Variants in C1orf159 observed in about 807,000 individuals in gnomAD.
C1orf159 encodes the protein chromosome 1 open reading frame 159.
C1orf159 carries 19 observed loss-of-function variants against 25.6 expected under a neutral mutation model. The observed-to-expected ratio is 0.74, with a 90% confidence interval of 0.52 to 1.09. The LOEUF is 1.09. C1orf159 is among the 50% of genes least tolerant of loss of function. The pLI is 0.00. For synonymous variants in C1orf159, 139 were observed against 124.7 expected (o/e 1.12, Z -0.77); for missense variants, 274 against 290.6 (o/e 0.94, Z 0.42).
At chr1:1,114,547 G>C (rs1299081725) in intron 1 of C1orf159, among the ~76,000 whole-genome samples, 2 of 152,194 alleles carry the variant, frequency 1.3e-5, no homozygotes, top group Non-Finnish European at 2.9e-5. Flanking sequence ...GTGCACCCCA[G>C]GGCTGAGGTG....
intron 1 of C1orf159, among the ~76,000 whole-genome samples, chr1:1,103,189 A>G (rs1646126693): frequency 6.6e-6 from 1 of 152,184 alleles, no homozygotes; most frequent in Non-Finnish European, 1.5e-5. Flanking sequence ...GCTCATTTAA[A>G]CATGTTTCCT....
intron 1 of C1orf159, among the ~76,000 whole-genome samples, chr1:1,108,845 TCG>T (rs1646216998): frequency 1.1e-5 from 1 of 94,322 alleles, no homozygotes; most frequent in African/African-American, 6.5e-5. Context: ...CCACCATGTC[TCG>T]GCACCATCCA....
At chr1:1,113,088 C>CGGGA (rs1646284140) in intron 1 of C1orf159, among the ~76,000 whole-genome samples, 1 of 151,230 alleles carries the variant, frequency 6.6e-6, no homozygotes, top group Non-Finnish European at 1.5e-5. Context: ...CCCAGCTACT[C>CGGGA]GGGAGGCTGA....
rs919946102 is a variant in C1orf159 at position 1,089,098 on chromosome 1, A to G, written c.148+1255T>C. On this transcript the variant is annotated intron_variant, in intron 4 of 9. Coordinates refer to ENST00000421241, the MANE Select transcript of C1orf159 (RefSeq NM_017891.5). This position sits in a 1 kb window ranked among gnomAD's most constrained non-coding sequence, Gnocchi z 7.5. ...GTGCCCGCTGCCTCCCCGAGCGGAG[A>G]CGTGACCTGGCTTGGGGCCGCACGC... 2.0e-5 allele frequency among the ~76,000 whole-genome samples: 3 copies of G among 152,168 alleles called. No homozygotes were observed. Among genetic ancestry groups the G allele is most frequent in the African/African-American group, 7.2e-5 (3 of 41,440 alleles).
chr1:1,101,289 C>A (rs1331653325), intron 1 of C1orf159, among the ~76,000 whole-genome samples: 1 of 152,044 alleles, frequency 6.6e-6, no homozygotes, highest in African/African-American at 2.4e-5. Flanking sequence ...TTGATGCCAC[C>A]CTGGCCAACA....
At chr1:1,083,866 C>T (rs374658585) in intron 9 of C1orf159, 39 of 1,492,206 alleles carry the variant, frequency 2.6e-5, no homozygotes, top group South Asian at 1.3e-4. Flanking sequence ...GGCTGTGCGC[C>T]GGTCACTCAG....
At position 1,087,107 on chromosome 1, in the gene C1orf159, G is replaced by C. The variant is rs199666720; in HGVS notation, c.310+32C>G. 4 of 1,594,920 alleles carry C rather than the reference G, an allele frequency of 2.5e-6. No individual in the cohort carries two copies. The highest frequency in any genetic ancestry group is 2.6e-6 in the Non-Finnish European group (3 of 1,172,534). On this transcript the variant is annotated intron_variant, in intron 6 of 9. Coordinates refer to ENST00000421241, the MANE Select transcript of C1orf159 (RefSeq NM_017891.5). The surrounding 1 kb of genome is among the most constrained non-coding windows in gnomAD (Gnocchi z 8.3). ...GACGGCCCCCAGCCCCCAGGACACC[G>C]GCAGAGGTGGCTGTGGCCTGCTGAG...
chr1:1,094,268 G>A (rs1338185098), intron 1 of C1orf159, among the ~76,000 whole-genome samples: 2 of 152,000 alleles, frequency 1.3e-5, no homozygotes, highest in African/African-American at 4.8e-5. Flanking sequence ...GACCTCCGGG[G>A]CTTAAGTGAT....
chr1:1,084,078 A>G, intron 9 of C1orf159: 4 of 1,600,084 alleles, frequency 2.5e-6, no homozygotes, highest in Non-Finnish European at 2.6e-6. Flanking sequence ...TTTCCTGCAG[A>G]CCCCACGTCT....
At chr1:1,112,268 G>A (rs534162719) in intron 1 of C1orf159, among the ~76,000 whole-genome samples, 276 of 152,360 alleles carry the variant, frequency 1.8e-3, no homozygotes, top group African/African-American at 3.2e-3. Flanking sequence ...TGGCTCAAGC[G>A]TGTGCACTGA....
rs1331368062 is a variant in C1orf159 at position 1,086,021 on chromosome 1, A to G, written c.311-9T>C. ...GGCCACGCGCGGAGCCCCTGCAAAC[A>G]GACACCGCTGAGCAGACGGGCAGGA... is the stretch of plus-strand genomic sequence containing the variant. On this transcript the variant is annotated splice_polypyrimidine_tract_variant and intron_variant, in intron 6 of 9. Coordinates refer to ENST00000421241, the MANE Select transcript of C1orf159 (RefSeq NM_017891.5). 1 of 1,612,580 alleles carries G rather than the reference A, an allele frequency of 6.2e-7. No individual in the cohort carries two copies. The highest frequency in any genetic ancestry group is 2.2e-5 in the East Asian group (1 of 44,866).
chr1:1,103,617 ACTC>A (rs71576598), intron 1 of C1orf159, among the ~76,000 whole-genome samples: 36,190 of 150,992 alleles, frequency 0.24, 5,797 homozygotes, highest in African/African-American at 0.46. Context: ...TATACACAGG[ACTC>A]CTCCCCTCTG....
intron 7 of C1orf159, 102 bp downstream of exon 7, chr1:1,085,776 G>A (rs1645818677): frequency 1.4e-6 from 2 of 1,447,438 alleles, no homozygotes; most frequent in Non-Finnish European, 1.9e-6. Flanking sequence ...GCCTCTGCCA[G>A]CCTGCTCTGG....
chr1:1,113,034 A>G (rs183985652), intron 1 of C1orf159, among the ~76,000 whole-genome samples: 189 of 152,184 alleles, frequency 1.2e-3, no homozygotes, highest in African/African-American at 4.4e-3. Flanking sequence ...CTTCTCTACT[A>G]AAATACAAAA....
chr1:1,114,003 G>A (rs191490653), intron 1 of C1orf159, among the ~76,000 whole-genome samples: 2,403 of 138,140 alleles, frequency 0.017, 63 homozygotes, highest in African/African-American at 0.061. Flanking sequence ...TGCAACCTCC[G>A]CCTCCCGAGT....
chr1:1,114,264 G>A (rs1048177919), intron 1 of C1orf159, among the ~76,000 whole-genome samples: 68 of 152,168 alleles, frequency 4.5e-4, no homozygotes, highest in African/African-American at 1.5e-3. Flanking sequence ...TGGTAGAGGG[G>A]GGCCCCTCTT....
intron 1 of C1orf159, among the ~76,000 whole-genome samples, chr1:1,095,383 A>G (rs1350768697): frequency 6.6e-6 from 1 of 152,246 alleles, no homozygotes; most frequent in African/African-American, 2.4e-5. Context: ...TTCAGTGAAC[A>G]GGTCTTGTAT....
intron 1 of C1orf159, among the ~76,000 whole-genome samples, chr1:1,099,303 G>A (rs1646057839): frequency 7.0e-6 from 1 of 142,526 alleles, no homozygotes; most frequent in African/African-American, 2.7e-5. Flanking sequence ...GATGTTTTTG[G>A]TCTATTGTTC....
rs1646240638 is a variant in C1orf159 at position 1,110,344 on chromosome 1, T to C, written c.-136+5716A>G. On this transcript the variant is annotated intron_variant, in intron 1 of 9. Transcript: ENST00000421241. This position sits in a 1 kb window ranked among gnomAD's most constrained non-coding sequence, Gnocchi z 4.8. ...GGCGGGGGACTTAGGATTTTATTCT[T>C]AGTTTACAACATCAGTAATAAAATT... Among the ~76,000 whole-genome samples the C allele has an allele frequency of 6.6e-6, 1 of 152,184 alleles. No homozygotes were observed. The highest frequency in any genetic ancestry group is 6.5e-5 in the Admixed American group (1 of 15,272).
Sources: gnomAD v4.1 joint callset for allele counts (sites outside exome capture counted in the v4.1 genomes callset) on GRCh38, gnomAD v4.1.1 for gene constraint, Gnocchi (gnomAD v3.1) non-coding constraint, MANE v1.5 for transcripts, NCBI Gene and HGNC (gene_info 2026-07-23, HGNC 2026-07-21) for gene names.